MYLK2: variants seen among roughly 807,000 people sequenced by gnomAD.
The protein encoded by MYLK2 is myosin light chain kinase 2, skeletal/cardiac muscle.
In MYLK2, 27 loss-of-function variants were observed where a neutral mutation model predicts 58.2. That is an observed-to-expected ratio of 0.46 (90% CI 0.34 to 0.64). The LOEUF is 0.64. Among genes scored for constraint, MYLK2 ranks in the 30% least tolerant of loss-of-function variants. MYLK2 has a pLI of 0.01. For synonymous variants in MYLK2, 310 were observed against 296.7 expected (o/e 1.04, Z -0.46); for missense variants, 676 against 764.3 (o/e 0.88, Z 1.36).
At position 31,820,294 on chromosome 20, in the gene MYLK2, A is replaced by G. The variant is rs770944313; in HGVS notation, c.221A>G (p.Gln74Arg). ...GTLAQPSTSS[Q>R]GPKGEGDRGG... Reference sequence around the variant, plus strand: ...CTGGCCCAACCCTCAACTAGCAGCCAAGGCCCCAAAGGAGAGGGTGACAGG... The same window carrying G: ...CTGGCCCAACCCTCAACTAGCAGCCGAGGCCCCAAAGGAGAGGGTGACAGG... The change falls in exon 3 of 13, where the codon CAA becomes CGA. Residue 74 changes from glutamine (Q) to arginine (R), a missense_variant. Physicochemically the swap from Gln to Arg is conservative, Grantham distance 43. Transcript: ENST00000375985. 6.2e-7 allele frequency: 1 copy of G among 1,613,574 alleles called. No individual in the cohort carries two copies. Among genetic ancestry groups the G allele is most frequent in the Non-Finnish European group, 8.5e-7 (1 of 1,179,946 alleles).
Position 31,823,458 on chromosome 20 carries a change from G to T in MYLK2, c.773-19G>T, listed in dbSNP as rs914355976. ...GCAGCCCCTGGCACTGACCATGAGG[G>T]CTGTGCTCTGTCCCCCAGATGATTG... On this transcript the variant is annotated intron_variant, in intron 4 of 12. Coordinates refer to ENST00000375985, the MANE Select transcript of MYLK2 (RefSeq NM_033118.4). 1.2e-6 allele frequency: 2 copies of T among 1,603,138 alleles called. No homozygotes were observed. Among genetic ancestry groups the T allele is most frequent in the Admixed American group, 1.7e-5 (1 of 60,020 alleles).
At chr20:31,827,133 G>GA (rs2062284847) in intron 8 of MYLK2, 195 bp downstream of exon 8, 22 of 828,328 alleles carry the variant, frequency 2.7e-5, no homozygotes, top group Non-Finnish European at 3.2e-5. Context: ...AAGAGAGAGA[G>GA]GGGGGGAAAA....
chr20:31,827,054 C>A, intron 8 of MYLK2, 116 bp downstream of exon 8: 1 of 1,544,140 alleles, frequency 6.5e-7, no homozygotes, highest in Non-Finnish European at 8.7e-7. Context: ...CTTCATCCAT[C>A]CTTCCCTTCA....
At chr20:31,824,374 T>C in intron 6 of MYLK2, 22 bp downstream of exon 6, 1 of 1,599,156 alleles carries the variant, frequency 6.3e-7, no homozygotes, top group South Asian at 1.1e-5. Context: ...GCGGGGGTGG[T>C]GGCTGCCCAG....
At chr20:31,820,070 G>C in intron 2 of MYLK2, 56 bp from the exon 3 acceptor site, 1 of 1,608,470 alleles carries the variant, frequency 6.2e-7, no homozygotes, top group Non-Finnish European at 8.5e-7. Context: ...GCCCAGCCTG[G>C]GTGAGAGGGA....
intron 5 of MYLK2, 49 bp from the exon 6 acceptor site, chr20:31,824,210 C>A: frequency 1.3e-6 from 2 of 1,591,418 alleles, no homozygotes; most frequent in South Asian, 1.1e-5. Flanking sequence ...ATGCCACTGA[C>A]CCCGGTGGGC....
rs746480315 is a variant in MYLK2, at chr20:31,832,017, G to A, written c.1591G>A (p.Ala531Thr). 14 of 1,609,266 alleles carry A rather than the reference G, an allele frequency of 8.7e-6. No individual in the cohort carries two copies. The highest frequency in any genetic ancestry group is 3.3e-5 in the South Asian group (3 of 90,452). ...CCTCTCCCCCAGGGCCCGGATGAAC[G>A]CTGCCCAGTGTCTCGCCCATCCCTG... is the stretch of plus-strand genomic sequence containing the variant. The part of the protein sequence containing the change: ...IVKDQRARMN[A>T]AQCLAHPWLN... Residue 531 changes from alanine to threonine, a missense_variant, in exon 12 of 13, where the codon GCT becomes ACT. By Grantham distance (58) the Ala-to-Thr change is moderately conservative. Transcript: ENST00000375985.
At chr20:31,831,250 C>A in intron 10 of MYLK2, 109 bp downstream of exon 10, 1 of 1,506,250 alleles carries the variant, frequency 6.6e-7, no homozygotes, top group Non-Finnish European at 9.2e-7. Context: ...CCTCCCCTAT[C>A]CCTCAGTCAG....
At chr20:31,823,606 G>A (rs769877602) in intron 5 of MYLK2, 24 bp downstream of exon 5, 17 of 1,607,788 alleles carry the variant, frequency 1.1e-5, no homozygotes, top group Non-Finnish European at 1.4e-5. Context: ...CCCCAGCTGG[G>A]CACTCATGGA....
chr20:31,831,199 G>A lies in MYLK2; in HGVS notation c.1424+58G>A, dbSNP rs530929977. 67 of 1,612,610 alleles carry A rather than the reference G, an allele frequency of 4.2e-5. No individual in the cohort carries two copies. In the African/African-American group the frequency reaches 4.5e-4, roughly 11 times the overall value. Reference sequence around the variant, plus strand: ...TGGTGGGGCATGGGGGCGAGCGGCCGAGGCCAAGATTGGCCCTAGGGTCTT... The same window carrying A: ...TGGTGGGGCATGGGGGCGAGCGGCCAAGGCCAAGATTGGCCCTAGGGTCTT... On this transcript the variant is annotated intron_variant, in intron 10 of 12. Transcript: ENST00000375985.
rs1600414851 is a variant in MYLK2, at chr20:31,832,641, C to T, written c.1710+505C>T. 1.3e-5 allele frequency among the ~76,000 whole-genome samples: 2 copies of T among 152,238 alleles called. 1 individual carries two copies. Among genetic ancestry groups the T allele is most frequent in the South Asian group, 4.1e-4 (2 of 4,826 alleles). On this transcript the variant is annotated intron_variant, in intron 12 of 12. Transcript: ENST00000375985. ...CCAAGTAGCTGGGATTACAGGCACC[C>T]ACCATCACACCTGGCTAATTTTTGT...
chr20:31,819,373 C>A lies in MYLK2; in HGVS notation c.-104C>A. On this transcript the variant is annotated 5_prime_UTR_variant, in exon 1 of 13. Coordinates refer to ENST00000375985, the MANE Select transcript of MYLK2 (RefSeq NM_033118.4). ...AATCCCTTACAACTGCCCAGGACTG[C>A]TCCTGAGCAGCCGCTGGGAGACAGA... 1 of 655,482 alleles carries A rather than the reference C, an allele frequency of 1.5e-6. No homozygotes were observed. Among genetic ancestry groups the A allele is most frequent in the Non-Finnish European group, 2.7e-6 (1 of 366,460 alleles). 40.6% of individuals were successfully genotyped at this position (655,482 alleles called of 1,614,324 possible). A position where few individuals can be genotyped will look rare whatever the true frequency, so the allele number is the denominator to read the frequency against.
chr20:31,828,620 C>A, intron 8 of MYLK2: 1 of 985,324 alleles, frequency 1.0e-6, no homozygotes, highest in South Asian at 4.7e-5. Context: ...AGAAAATACA[C>A]GAGAGTAATG....
At chr20:31,833,587 AT>A in intron 12 of MYLK2, 129 bp from the exon 13 acceptor site, 1 of 831,104 alleles carries the variant, frequency 1.2e-6, no homozygotes, top group Non-Finnish European at 2.1e-6. Context: ...TCCCGTGGCC[AT>A]TTTGGGCACT....
chr20:31,823,028 C>T (rs2062259242), intron 4 of MYLK2, among the ~76,000 whole-genome samples: 1 of 152,228 alleles, frequency 6.6e-6, no homozygotes, highest in South Asian at 2.1e-4. Flanking sequence ...GGTCCCGCCC[C>T]GCCATGGGTG....
At chr20:31,821,852 C>T in intron 4 of MYLK2, 115 bp downstream of exon 4, 2 of 962,936 alleles carry the variant, frequency 2.1e-6, no homozygotes, top group Non-Finnish European at 3.1e-6. Flanking sequence ...CCAAGCCTTA[C>T]CCAGGCCCAT....
chr20:31,826,383 G>A (rs2062279698), intron 6 of MYLK2, among the ~76,000 whole-genome samples: 1 of 151,890 alleles, frequency 6.6e-6, no homozygotes, highest in African/African-American at 2.4e-5. Flanking sequence ...TGGCATGTCA[G>A]TACTCAGGAG....
chr20:31,826,293 T>C (rs1231365226), intron 6 of MYLK2, among the ~76,000 whole-genome samples: 1 of 151,974 alleles, frequency 6.6e-6, no homozygotes, highest in Non-Finnish European at 1.5e-5. Flanking sequence ...TTGGATAAAA[T>C]GTAAAGTCAT....
intron 5 of MYLK2, 83 bp downstream of exon 5, chr20:31,823,665 C>A: frequency 7.7e-7 from 1 of 1,302,800 alleles, no homozygotes; most frequent in Non-Finnish European, 1.1e-6. Context: ...CTGTGCAAGG[C>A]CCAGACACAC....
Sources: allele counts gnomAD v4.1 joint callset (sites outside exome capture counted in the v4.1 genomes callset), GRCh38; gene constraint gnomAD v4.1.1; transcripts MANE v1.5; gene names NCBI Gene and HGNC (gene_info 2026-07-23, HGNC 2026-07-21).